The following PNPLA4 variants were observed in gnomAD, a reference collection of about 807,000 sequenced individuals.
PNPLA4 encodes patatin-like phospholipase domain-containing protein 4.
PNPLA4 carries 15 observed loss-of-function variants against 18.3 expected under a neutral mutation model. That is an observed-to-expected ratio of 0.82 (90% CI 0.55 to 1.26). The LOEUF (loss-of-function observed/expected upper bound fraction) is 1.26, where lower values mean the gene tolerates loss of function less well. Ranked by LOEUF, PNPLA4 falls within the 50% of genes most tolerant of loss-of-function variation. PNPLA4 has a pLI of 0.00. For synonymous variants in PNPLA4, 88 were observed against 85.6 expected, an observed-to-expected ratio of 1.03 and a Z score of -0.16; for missense variants, 229 against 196.8, an observed-to-expected ratio of 1.16 and a Z score of -0.98.
At chrX:7,914,983 A>G (rs1923993060) in intron 4 of PNPLA4, among the ~76,000 whole-genome samples, 1 of 112,041 alleles carries the variant, frequency 8.9e-6, no homozygotes, top group African/African-American at 3.2e-5. Context: ...GATGATTTGT[A>G]TATCAAACCA....
intron 1 of PNPLA4, among the ~76,000 whole-genome samples, 151 bp downstream of exon 1, chrX:7,927,135 G>A (rs1045277367): frequency 1.8e-5 from 2 of 113,255 alleles, no homozygotes; most frequent in East Asian, 5.6e-4. Context: ...AAATGGGGAC[G>A]GGAAGGGGGT....
At chrX:7,910,219 T>C (rs1272857302) in intron 5 of PNPLA4, among the ~76,000 whole-genome samples, 1 of 111,877 alleles carries the variant, frequency 8.9e-6, no homozygotes, top group Non-Finnish European at 1.9e-5. Context: ...AAGCCTATTA[T>C]GATTTGCACT....
At chrX:7,920,677 A>G in intron 4 of PNPLA4, among the ~76,000 whole-genome samples, 1 of 112,350 alleles carries the variant, frequency 8.9e-6, no homozygotes, top group East Asian at 2.8e-4. Context: ...AAAAAATTCC[A>G]AGAGAAGTAC....
chrX:7,906,890 C>A (rs1024727516), intron 5 of PNPLA4, among the ~76,000 whole-genome samples: 3 of 112,480 alleles, frequency 2.7e-5, no homozygotes, highest in African/African-American at 9.7e-5. Flanking sequence ...TGCATTTTCA[C>A]GTTCCTGTAA....
At chrX:7,909,663 C>A (rs767575873) in intron 5 of PNPLA4, among the ~76,000 whole-genome samples, 4 of 111,129 alleles carry the variant, frequency 3.6e-5, no homozygotes, top group Non-Finnish European at 5.7e-5. Context: ...GTATTTCCAG[C>A]TCACTATTTG....
intron 4 of PNPLA4, among the ~76,000 whole-genome samples, chrX:7,913,042 G>T (rs1190200247): frequency 1.8e-5 from 2 of 111,877 alleles, no homozygotes; most frequent in Non-Finnish European, 3.8e-5. Context: ...ATTCTGAACT[G>T]CAACTAAATT....
chrX:7,926,037 T>A lies in PNPLA4; in HGVS notation c.83A>T (p.His28Leu). 8.3e-6 allele frequency: 10 copies of A among 1,211,558 alleles called. No homozygotes were observed. Among genetic ancestry groups the A allele is most frequent in the Non-Finnish European group, 1.0e-5 (9 of 895,007 alleles). ...HLGAASALCR[H>L]GKKLVKDVKA... The stretch of plus-strand genomic sequence containing the variant: ...GACATCCTTCACAAGTTTTTTGCCA[T>A]GTCTGCAAAGTGCAGATGCTGCCCC... Residue 28 changes from histidine to leucine, a missense_variant, in exon 2 of 7, where the codon CAT becomes CTT. His to Leu is a moderately conservative substitution (Grantham distance 99). Transcript: ENST00000381042.
rs1336467496 is a variant in PNPLA4, at chrX:7,922,051, C to T, written c.228G>A (p.Gln76=). The change falls in exon 3 of 7, where the codon CAG becomes CAA. Residue 76 remains glutamine, a synonymous_variant. Transcript: ENST00000381042. The part of the protein sequence containing the change: ...TYKFAEEIRR[Q]SFGAVTPGYD... Reference sequence around the variant, plus strand: ...AACCGGGCGTTACTGCCCCGAAAGACTGCCTTCTGATTTCTTCGGCAAACT... The same window carrying T: ...AACCGGGCGTTACTGCCCCGAAAGATTGCCTTCTGATTTCTTCGGCAAACT... 9 of 1,210,048 alleles carry T rather than the reference C, an allele frequency of 7.4e-6. No individual in the cohort carries two copies. The highest frequency in any genetic ancestry group is 1.0e-5 in the Non-Finnish European group (9 of 894,095).
chrX:7,902,427 T>C (rs1298677751), intron 5 of PNPLA4, among the ~76,000 whole-genome samples: 1 of 111,878 alleles, frequency 8.9e-6, no homozygotes, highest in Admixed American at 9.5e-5. Flanking sequence ...TAGATTGGGG[T>C]TCATTATTTA....
chrX:7,899,895 T>C lies in PNPLA4; in HGVS notation c.*791A>G, dbSNP rs1369007409. 9.0e-6 allele frequency: 1 copy of C among 111,608 alleles called. No homozygotes were observed. The highest frequency in any genetic ancestry group is 3.3e-5 in the African/African-American group (1 of 30,603). The allele number at this position is 111,608 out of a possible 1,213,427, so 9.2% of individuals were successfully genotyped here. On this transcript the variant is annotated 3_prime_UTR_variant, in exon 7 of 7. Transcript: ENST00000381042. Reference sequence around the variant, plus strand: ...CTTGAAGTGTATGTAGCTCCCACAATTGCCACACGTTGTGGGAGGGACCCA... The same window carrying C: ...CTTGAAGTGTATGTAGCTCCCACAACTGCCACACGTTGTGGGAGGGACCCA...
chrX:7,921,602 G>A (rs1351526225), intron 4 of PNPLA4, 111 bp downstream of exon 4: 7 of 669,966 alleles, frequency 1.0e-5, no homozygotes, highest in Non-Finnish European at 1.7e-5. Flanking sequence ...CATCTATCGG[G>A]CCTGGTAAGA....
At chrX:7,901,819 G>A (rs1315245434) in intron 6 of PNPLA4, among the ~76,000 whole-genome samples, 170 bp downstream of exon 6, 5 of 111,208 alleles carry the variant, frequency 4.5e-5, no homozygotes, top group South Asian at 3.8e-4. Flanking sequence ...AATTAGCCCC[G>A]TTCCTATGGC....
intron 4 of PNPLA4, among the ~76,000 whole-genome samples, chrX:7,920,842 G>C (rs1924191911): frequency 8.9e-6 from 1 of 112,768 alleles, no homozygotes; most frequent in African/African-American, 3.2e-5. Flanking sequence ...CAAAATGGAA[G>C]AAACAAAATG....
chrX:7,913,109 A>G (rs1294745845), intron 4 of PNPLA4, among the ~76,000 whole-genome samples: 3 of 111,618 alleles, frequency 2.7e-5, no homozygotes, highest in Non-Finnish European at 5.6e-5. Context: ...TTGAGCTGTG[A>G]CCCGACACAG....
Position 7,898,484 on chromosome X carries a change from G to A in PNPLA4, c.*2202C>T, listed in dbSNP as rs753726807. The A allele has an allele frequency of 9.0e-6, 1 of 111,705 alleles. No individual in the cohort carries two copies. The highest frequency in any genetic ancestry group is 2.8e-4 in the East Asian group (1 of 3,531). The allele number at this position is 111,705 out of a possible 1,213,427, so 9.2% of individuals were successfully genotyped here. A position where few individuals can be genotyped will look rare whatever the true frequency, so the allele number is the denominator to read the frequency against. Reference sequence around the variant, plus strand: ...CTGTTTTCAATTAGTATGGCTGCATGAGCACACACTCCAGCAAAGGTAAGC... The same window carrying A: ...CTGTTTTCAATTAGTATGGCTGCATAAGCACACACTCCAGCAAAGGTAAGC... On this transcript the variant is annotated 3_prime_UTR_variant, in exon 7 of 7. Transcript: ENST00000381042.
chrX:7,921,675 T>G (rs755571579), intron 4 of PNPLA4, 38 bp downstream of exon 4: 42 of 1,142,450 alleles, frequency 3.7e-5, no homozygotes, highest in Non-Finnish European at 4.9e-5. Context: ...AAATCAGCAC[T>G]TGCTGATTTC....
Position 7,925,925 on chromosome X carries a change from T to C in PNPLA4, c.180+15A>G. 8.3e-7 allele frequency: 1 copy of C among 1,199,050 alleles called. No homozygotes were observed. The highest frequency in any genetic ancestry group is 1.1e-6 in the Non-Finnish European group (1 of 885,897). On this transcript the variant is annotated intron_variant, in intron 2 of 6. Coordinates refer to ENST00000381042, the MANE Select transcript of PNPLA4 (RefSeq NM_004650.3). ...TTCTTGATGAGGAACACAGCCTAAG[T>C]TACTACTTAATTACCTCTATTTTTT...
At chrX:7,925,607 TGAAAACAG>T (rs1217965486) in intron 2 of PNPLA4, among the ~76,000 whole-genome samples, 1 of 112,084 alleles carries the variant, frequency 8.9e-6, no homozygotes, top group African/African-American at 3.3e-5. Context: ...TTCAAGGCCT[TGAAAACAG>T]GCCCCATGCT....
At chrX:7,925,106 G>C (rs1277141269) in intron 2 of PNPLA4, among the ~76,000 whole-genome samples, 1 of 112,242 alleles carries the variant, frequency 8.9e-6, no homozygotes, top group Admixed American at 9.4e-5. Flanking sequence ...AAGATAGGTG[G>C]ATTTCTGAAT....
Sources: gnomAD v4.1 joint callset for allele counts (sites outside exome capture counted in the v4.1 genomes callset) on GRCh38, gnomAD v4.1.1 for gene constraint, MANE v1.5 for transcripts, NCBI Gene and HGNC (gene_info 2026-07-23, HGNC 2026-07-21) for gene names.